PI4KA: variants seen among roughly 807,000 people sequenced by gnomAD.
The protein encoded by PI4KA is PI4-kinase alpha.
In PI4KA, 122 loss-of-function variants were observed where a neutral mutation model predicts 271.4. The ratio of observed to expected loss-of-function variants is 0.45; its 90% CI spans 0.39 to 0.52. The LOEUF is 0.52. Among genes scored for constraint, PI4KA ranks in the 20% least tolerant of loss-of-function variants. The pLI, the probability that PI4KA is intolerant of heterozygous loss-of-function variation, is 0.00. For missense variants in PI4KA, 1,969 were observed against 2,769.1 expected, an observed-to-expected ratio of 0.71 and a Z score of 6.48; for synonymous variants, 1,041 against 1,078.8, an observed-to-expected ratio of 0.96 and a Z score of 0.69.
intron 45 of PI4KA, 30 bp from the exon 46 acceptor site, chr22:20,714,730 G>A (rs767353517): frequency 9.7e-5 from 155 of 1,605,652 alleles, no homozygotes; most frequent in Non-Finnish European, 1.3e-4. Flanking sequence ...GTCACAGGGA[G>A]TGCATGTGTC....
rs536573684 is a variant in PI4KA, at chr22:20,805,108, G to A, written c.1226C>T (p.Thr409Met). Residue 409 changes from threonine to methionine, a missense_variant, in exon 11 of 55, where the codon ACG becomes ATG. Transcript: ENST00000255882. ...IHDFVLEQFNTSQGELQKILH... is the reference protein window; with the variant it reads ...IHDFVLEQFNMSQGELQKILH... ...AATCTTCTGGAGCTCCCCCTGGCTC[G>A]TGTTGAACTGCTCCAGCACAAAATC... 515 of 1,614,090 alleles carry A rather than the reference G, an allele frequency of 3.2e-4. 12 individuals carry two copies. In the South Asian group the frequency reaches 5.5e-3, roughly 17 times the overall value.
intron 1 of PI4KA, among the ~76,000 whole-genome samples, chr22:20,840,151 A>T (rs572968694): frequency 6.6e-6 from 1 of 152,338 alleles, no homozygotes; most frequent in Non-Finnish European, 1.5e-5. Flanking sequence ...GAAGACTTGA[A>T]AACTCATCAA....
chr22:20,741,779 G>A lies in PI4KA; in HGVS notation c.3741+449C>T, dbSNP rs181978408. On this transcript the variant is annotated intron_variant, in intron 32 of 54. Transcript: ENST00000255882. ...TTGAAAAATAAAATTGTTCTTAAGC[G>A]TTTATCTAATCAGCTGAAACGTGAG... Among the ~76,000 whole-genome samples, 182 of 152,290 alleles carry A rather than the reference G, an allele frequency of 1.2e-3. 1 individual carries two copies. Among genetic ancestry groups the A allele is most frequent in the African/African-American group, 4.2e-3 (173 of 41,564 alleles).
intron 1 of PI4KA, among the ~76,000 whole-genome samples, chr22:20,852,193 G>A (rs1460279686): frequency 3.3e-5 from 5 of 152,162 alleles, no homozygotes; most frequent in South Asian, 2.1e-4. Flanking sequence ...AGCAACTGAC[G>A]TCAATGATGG....
At position 20,820,559 on chromosome 22, in the gene PI4KA, G is replaced by C; in HGVS notation, c.509C>G (p.Ala170Gly). 6.2e-7 allele frequency: 1 copy of C among 1,609,346 alleles called. No homozygotes were observed. The highest frequency in any genetic ancestry group is 8.5e-7 in the Non-Finnish European group (1 of 1,176,786). The change falls in exon 5 of 55, where the codon GCC becomes GGC. Residue 170 changes from alanine (A) to glycine (G), a missense_variant. By Grantham distance (60) the Ala-to-Gly change is moderately conservative. Coordinates refer to ENST00000255882, the MANE Select transcript of PI4KA (RefSeq NM_058004.4). ...CGTACCTTTGTCTTGAATCTCCAAG[G>C]CCTGGCACATCCCCAAGAGGACATG... ...VLHVLLGMCQALEIQDKEYLC... is the reference protein window; with the variant it reads ...VLHVLLGMCQGLEIQDKEYLC...
rs751309478 is a variant in PI4KA, at chr22:20,709,942, G to A, written c.6139C>T (p.Pro2047Ser). 3 of 1,613,374 alleles carry A rather than the reference G, an allele frequency of 1.9e-6. No individual in the cohort carries two copies. Among genetic ancestry groups the A allele is most frequent in the Non-Finnish European group, 2.5e-6 (3 of 1,179,376 alleles). Residue 2047 changes from proline to serine, a missense_variant, in exon 53 of 55, where the codon CCC becomes TCC. Transcript: ENST00000255882. ...LVTLMLDTGL[P>S]CFRGQTIKLL... Reference sequence around the variant, plus strand: ...TTGATTGTCTGGCCGCGAAAACAGGGCAGGCCCGTGTCCAACATGAGAGTG... The same window carrying A: ...TTGATTGTCTGGCCGCGAAAACAGGACAGGCCCGTGTCCAACATGAGAGTG...
chr22:20,747,212 G>A (rs1930211001), intron 29 of PI4KA, among the ~76,000 whole-genome samples: 1 of 152,202 alleles, frequency 6.6e-6, no homozygotes, highest in South Asian at 2.1e-4. Flanking sequence ...GAACTGTTCA[G>A]GAGTCCAGTA....
At chr22:20,725,412 T>C (rs1487662607) in intron 42 of PI4KA, 1 of 310,902 alleles carries the variant, frequency 3.2e-6, no homozygotes, top group Admixed American at 3.0e-5. Flanking sequence ...CCCTTCAAAT[T>C]CATATGTTAC....
intron 19 of PI4KA, 118 bp downstream of exon 19, chr22:20,793,075 G>T: frequency 1.4e-6 from 1 of 704,744 alleles, no homozygotes; most frequent in South Asian, 1.5e-5. Context: ...GTCACATCTA[G>T]AGGCATAGGG....
chr22:20,731,096 T>C (rs1279551611), intron 36 of PI4KA, among the ~76,000 whole-genome samples: 1 of 152,126 alleles, frequency 6.6e-6, no homozygotes, highest in African/African-American at 2.4e-5. Flanking sequence ...GGAGAATTGC[T>C]TGCACCCAGG....
At position 20,729,483 on chromosome 22, in the gene PI4KA, G is replaced by A. The variant is rs1254163432; in HGVS notation, c.4512C>T (p.Ile1504=). ...SLLATEIERL[I]TWYNPLSAPE... Reference sequence around the variant, plus strand: ...GGGCTGACAGCGGGTTGTACCATGTGATGAGACGCTCGATCTCAGTGGCCT... The same window carrying A: ...GGGCTGACAGCGGGTTGTACCATGTAATGAGACGCTCGATCTCAGTGGCCT... Residue 1504 remains isoleucine, a synonymous_variant, in exon 39 of 55, where the codon ATC becomes ATT. Transcript: ENST00000255882. 2.2e-5 allele frequency: 36 copies of A among 1,604,326 alleles called. No individual in the cohort carries two copies. Among genetic ancestry groups the A allele is most frequent in the Non-Finnish European group, 2.9e-5 (34 of 1,175,014 alleles).
intron 7 of PI4KA, among the ~76,000 whole-genome samples, chr22:20,816,100 C>A (rs914361136): frequency 6.6e-6 from 1 of 151,842 alleles, no homozygotes; most frequent in Non-Finnish European, 1.5e-5. Context: ...CCACTGCACC[C>A]GGCTAATTTT....
intron 42 of PI4KA, among the ~76,000 whole-genome samples, chr22:20,725,936 A>T (rs1927296948): frequency 6.7e-6 from 1 of 150,342 alleles, no homozygotes. Context: ...AAAGCCAGGG[A>T]GACAGGCCTC....
At chr22:20,724,619 C>G (rs575167366) in intron 42 of PI4KA, among the ~76,000 whole-genome samples, 1 of 151,946 alleles carries the variant, frequency 6.6e-6, no homozygotes, top group South Asian at 2.1e-4. Context: ...CAAAACAAAA[C>G]GAACAAAAAA....
At chr22:20,823,702 G>A (rs1286380754) in intron 4 of PI4KA, among the ~76,000 whole-genome samples, 1 of 152,174 alleles carries the variant, frequency 6.6e-6, no homozygotes, top group East Asian at 1.9e-4. Context: ...ACTCTGGGAG[G>A]TCGAGGCAGA....
chr22:20,787,185 C>T lies in PI4KA; in HGVS notation c.2328+6008G>A, dbSNP rs373470974. On this transcript the variant is annotated intron_variant, in intron 19 of 54. Coordinates refer to ENST00000255882, the MANE Select transcript of PI4KA (RefSeq NM_058004.4). ...GTAGTTTACGCTACCAATCTGAATT[C>T]GAGGCCCATATGAGAGGAGCTTAGA... 1.0e-4 allele frequency: 93 copies of T among 928,674 alleles called. 1 individual carries two copies. Among genetic ancestry groups the T allele is most frequent in the East Asian group, 4.6e-4 (18 of 39,312 alleles). The allele number at this position is 928,674 out of a possible 1,614,324, so 57.5% of individuals were successfully genotyped here.
chr22:20,750,298 A>C (rs1400162227), intron 27 of PI4KA, among the ~76,000 whole-genome samples: 1 of 152,194 alleles, frequency 6.6e-6, no homozygotes, highest in African/African-American at 2.4e-5. Flanking sequence ...AGAACACGTA[A>C]AGACACAGGG....
intron 23 of PI4KA, among the ~76,000 whole-genome samples, chr22:20,757,463 C>T (rs945824877): frequency 2.0e-5 from 3 of 152,100 alleles, no homozygotes; most frequent in Admixed American, 1.3e-4. Context: ...GAGAGAAGGG[C>T]GAATGAGACA....
intron 9 of PI4KA, among the ~76,000 whole-genome samples, chr22:20,808,245 G>A (rs1330309053): frequency 5.4e-5 from 8 of 148,960 alleles, no homozygotes; most frequent in African/African-American, 1.0e-4. Flanking sequence ...AGCAGAGATC[G>A]CGCCATTGCA....
Sources: allele counts gnomAD v4.1 joint callset (sites outside exome capture counted in the v4.1 genomes callset), GRCh38; gene constraint gnomAD v4.1.1; transcripts MANE v1.5; gene names NCBI Gene and HGNC (gene_info 2026-07-23, HGNC 2026-07-21).